USP45: variants seen among roughly 807,000 people sequenced by gnomAD.
The protein encoded by USP45 is ubiquitin specific peptidase 45.
USP45 carries 89 observed loss-of-function variants against 95.8 expected under a neutral mutation model. The observed-to-expected ratio is 0.93, with a 90% CI of 0.78 to 1.11. The LOEUF is 1.11. Ranked by LOEUF, USP45 falls within the 50% of genes least tolerant of loss-of-function variation. The pLI is 0.00. For synonymous variants in USP45, 281 were observed against 316.2 expected (o/e 0.89, Z 1.18); for missense variants, 898 against 942.5 (o/e 0.95, Z 0.62).
At chr6:99,455,013 C>T (rs1252082297) in intron 13 of USP45, among the ~76,000 whole-genome samples, 1 of 147,118 alleles carries the variant, frequency 6.8e-6, no homozygotes, top group Non-Finnish European at 1.5e-5. Context: ...TCACTTGAAC[C>T]TGGGAGGTGG....
chr6:99,478,721 C>T (rs1053299788), intron 8 of USP45, among the ~76,000 whole-genome samples: 2 of 152,100 alleles, frequency 1.3e-5, no homozygotes, highest in Non-Finnish European at 2.9e-5. Context: ...AACATGGAAG[C>T]AGCTGAAAGC....
intron 5 of USP45, among the ~76,000 whole-genome samples, chr6:99,495,910 T>C (rs1021970799): frequency 4.3e-4 from 65 of 152,314 alleles, no homozygotes; most frequent in African/African-American, 1.5e-3. Flanking sequence ...TTATGTGACA[T>C]CTTTGGGAAA....
At chr6:99,455,819 T>TAAAA (rs35285232) in intron 13 of USP45, among the ~76,000 whole-genome samples, 18 of 44,366 alleles carry the variant, frequency 4.1e-4, no homozygotes, top group South Asian at 1.5e-3. Context: ...ATGTGAGAGC[T>TAAAA]AAAAAAAAAA....
chr6:99,438,117 C>T (rs1022858697), intron 16 of USP45, among the ~76,000 whole-genome samples: 34 of 152,126 alleles, frequency 2.2e-4, no homozygotes, highest in African/African-American at 5.6e-4. Flanking sequence ...TATCAAAACA[C>T]GAATTAAAAT....
intron 13 of USP45, among the ~76,000 whole-genome samples, chr6:99,451,501 C>T (rs1304997755): frequency 2.0e-5 from 3 of 152,158 alleles, no homozygotes; most frequent in Non-Finnish European, 4.4e-5. Context: ...TCAAGGAGAA[C>T]TACAAACCAC....
chr6:99,501,070 C>T (rs1437823877), intron 5 of USP45, among the ~76,000 whole-genome samples: 3 of 152,152 alleles, frequency 2.0e-5, no homozygotes, highest in Non-Finnish European at 4.4e-5. Flanking sequence ...CGTCCATTCA[C>T]CTAGCTGTTC....
intron 8 of USP45, among the ~76,000 whole-genome samples, chr6:99,478,092 G>A (rs942019803): frequency 1.2e-4 from 18 of 152,158 alleles, no homozygotes; most frequent in Admixed American, 5.9e-4. Context: ...GACACACAAG[G>A]AGGAAATCAT....
At chr6:99,510,602 A>G (rs1046525221) in intron 1 of USP45, among the ~76,000 whole-genome samples, 7 of 152,182 alleles carry the variant, frequency 4.6e-5, no homozygotes, top group Non-Finnish European at 8.8e-5. Flanking sequence ...AAGAGGCTAG[A>G]AAGCTACCTT....
intron 5 of USP45, among the ~76,000 whole-genome samples, chr6:99,496,221 C>A (rs1202459133): frequency 6.6e-6 from 1 of 152,040 alleles, no homozygotes; most frequent in African/African-American, 2.4e-5. Flanking sequence ...TGGTCTCAAG[C>A]AATCTTCCCA....
At chr6:99,511,884 T>TAC (rs1218996660) in intron 1 of USP45, among the ~76,000 whole-genome samples, 9 of 142,980 alleles carry the variant, frequency 6.3e-5, no homozygotes, top group African/African-American at 1.5e-4. Context: ...TATATATATA[T>TAC]ATACACATAG....
rs922028606 is a variant in USP45, at chr6:99,446,645, C to A, written c.1309-182G>T. Among the ~76,000 whole-genome samples the A allele has an allele frequency of 2.6e-5, 4 of 152,308 alleles. No individual in the cohort carries two copies. In the South Asian group the frequency reaches 8.3e-4, roughly 32 times the overall value. On this transcript the variant is annotated intron_variant, in intron 13 of 17. Transcript: ENST00000500704. Reference sequence around the variant, plus strand: ...AAATAGTTCTATTTTAAAAGTAAATCTTCACACAAGAAACTAACAACAGTG... The same window carrying A: ...AAATAGTTCTATTTTAAAAGTAAATATTCACACAAGAAACTAACAACAGTG...
At chr6:99,516,558 A>G (rs17059618), upstream of USP45, among the ~76,000 whole-genome samples, 12,548 of 152,276 alleles carry the variant, frequency 0.082, 1,624 homozygotes, top group African/African-American at 0.27. Flanking sequence ...AACAAGGACC[A>G]TTCATTTAAC....
rs6934692 is a variant in USP45 at position 99,503,874 on chromosome 6, G to A, written c.378-9C>T. 1,233,384 of 1,518,660 alleles carry A rather than the reference G, an allele frequency of 0.81. 504,919 individuals are homozygous for A. The highest frequency in any genetic ancestry group is 1 in the East Asian group (43,137 of 43,154). The allele number at this position is 1,518,660 out of a possible 1,614,324, so 94.1% of individuals were successfully genotyped here. A position where few individuals can be genotyped will look rare whatever the true frequency, so the allele number is the denominator to read the frequency against. ...CATCACATTCATAACACCTGAAAAAGTATAAAATTTAAGAAAATATTATGA... is the reference window on the plus strand; with the variant it reads ...CATCACATTCATAACACCTGAAAAAATATAAAATTTAAGAAAATATTATGA... On this transcript the variant is annotated splice_polypyrimidine_tract_variant and intron_variant, in intron 4 of 17. Coordinates refer to ENST00000500704, the MANE Select transcript of USP45 (RefSeq NM_001346022.3).
In USP45 at chr6:99,435,006, C is replaced by A. The variant is rs1027537245; in HGVS notation, c.*710G>T. 1.3e-5 allele frequency: 2 copies of A among 152,430 alleles called. No individual in the cohort carries two copies. Among genetic ancestry groups the A allele is most frequent in the East Asian group, 1.9e-4 (1 of 5,196 alleles). 9.4% of individuals were successfully genotyped at this position (152,430 alleles called of 1,614,324 possible). On this transcript the variant is annotated 3_prime_UTR_variant, in exon 18 of 18. Transcript: ENST00000500704. Reference sequence around the variant, plus strand: ...GCTAACCAGCAGATTATTTGTAAACCCACACTACTGAAATTACAGTGACAC... The same window carrying A: ...GCTAACCAGCAGATTATTTGTAAACACACACTACTGAAATTACAGTGACAC...
chr6:99,507,848 A>G (rs1048572376), intron 3 of USP45, among the ~76,000 whole-genome samples: 6 of 152,168 alleles, frequency 3.9e-5, no homozygotes, highest in African/African-American at 1.4e-4. Context: ...ACATTTCCCA[A>G]TCCCGTACAC....
At position 99,488,762 on chromosome 6, in the gene USP45, C is replaced by G. The variant is rs765915739; in HGVS notation, c.537G>C (p.Gln179His). 6.2e-7 allele frequency: 1 copy of G among 1,605,824 alleles called. No homozygotes were observed. Among genetic ancestry groups the G allele is most frequent in the Non-Finnish European group, 8.5e-7 (1 of 1,177,002 alleles). ...CEEKCETDEI[Q>H]KGGKCRNLSV... is the part of the protein sequence containing the mutation. The stretch of plus-strand genomic sequence containing the variant: ...ATAAATTTCTGCATTTTCCTCCCTT[C>G]TGTATTTCATCTGTTTCACATTTTT... The change falls in exon 6 of 18, where the codon CAG becomes CAC. Residue 179 changes from glutamine (Q) to histidine (H), a missense_variant. Physicochemically the swap from Gln to His is conservative, Grantham distance 24. Coordinates refer to ENST00000500704, the MANE Select transcript of USP45 (RefSeq NM_001346022.3).
In USP45 at chr6:99,500,558, T is replaced by TA. The variant is rs557306959; in HGVS notation, c.478+3206dup. Among the ~76,000 whole-genome samples, 20 of 150,042 alleles carry TA rather than the reference T, an allele frequency of 1.3e-4. No homozygotes were observed. The East Asian group carries it at 1.4e-3, about 10-fold the overall frequency. Reference sequence around the variant, plus strand: ...ACTTAACCTTAGGGAATCTCTAAGGTAAAAAAAAAATCCAGAGAAAATAAT... The same window carrying TA: ...ACTTAACCTTAGGGAATCTCTAAGGTAAAAAAAAAAATCCAGAGAAAATAAT... On this transcript the variant is annotated intron_variant, in intron 5 of 17. Transcript: ENST00000500704.
At chr6:99,481,111 A>T (rs1792290791) in intron 8 of USP45, among the ~76,000 whole-genome samples, 1 of 152,156 alleles carries the variant, frequency 6.6e-6, no homozygotes, top group Non-Finnish European at 1.5e-5. Context: ...TACAAAAAAT[A>T]CATAAAAATC....
intron 13 of USP45, chr6:99,462,108 T>TC: frequency 1.0e-6 from 1 of 984,924 alleles, no homozygotes; most frequent in Non-Finnish European, 1.2e-6. Flanking sequence ...TTGCACTTTT[T>TC]CCCATCAAAA....
Sources: allele counts gnomAD v4.1 joint callset (sites outside exome capture counted in the v4.1 genomes callset), GRCh38; gene constraint gnomAD v4.1.1; transcripts MANE v1.5; gene names NCBI Gene and HGNC (gene_info 2026-07-23, HGNC 2026-07-21).